PRRC2C: variants seen among roughly 807,000 people sequenced by gnomAD.
The protein encoded by PRRC2C is protein PRRC2C.
A neutral mutation model predicts 317.2 loss-of-function variants in PRRC2C; 72 were observed. That is an observed-to-expected ratio of 0.23 (90% CI 0.19 to 0.28). The LOEUF (loss-of-function observed/expected upper bound fraction) is 0.28. Ranked by LOEUF, PRRC2C falls within the 10% of genes least tolerant of loss-of-function variation. PRRC2C has a pLI of 1.00. For synonymous variants in PRRC2C, 1,296 were observed against 1,205.9 expected (o/e 1.07, Z -1.55); for missense variants, 3,074 against 3,459.7 (o/e 0.89, Z 2.80).
chr1:171,531,193 G>C (rs956617491), intron 11 of PRRC2C, among the ~76,000 whole-genome samples: 3 of 152,120 alleles, frequency 2.0e-5, no homozygotes, highest in African/African-American at 7.2e-5. Context: ...GGGGTGCTTG[G>C]GGCCACAGGG....
intron 24 of PRRC2C, among the ~76,000 whole-genome samples, chr1:171,572,577 A>T (rs1352576748): frequency 1.3e-5 from 2 of 152,226 alleles, no homozygotes; most frequent in African/African-American, 4.8e-5. Context: ...ATAAGACAAC[A>T]GCTTCTGCTT....
chr1:171,516,365 A>G (rs1672363761), intron 5 of PRRC2C, among the ~76,000 whole-genome samples: 1 of 152,208 alleles, frequency 6.6e-6, no homozygotes, highest in African/African-American at 2.4e-5. Context: ...ATAGCTTCAT[A>G]CTGTCATTAC....
chr1:171,545,021 A>G (rs1231148665), intron 16 of PRRC2C, among the ~76,000 whole-genome samples: 5 of 152,222 alleles, frequency 3.3e-5, no homozygotes, highest in Non-Finnish European at 7.3e-5. Flanking sequence ...AATTATATCA[A>G]TGTGTAAATC....
chr1:171,523,254 G>C lies in PRRC2C; in HGVS notation c.867G>C (p.Trp289Cys), dbSNP rs1673948252. The C allele has an allele frequency of 6.8e-6, 11 of 1,613,016 alleles. No homozygotes were observed. In the East Asian group the frequency reaches 2.5e-4, roughly 36 times the overall value. The change falls in exon 8 of 35, where the codon TGG (tryptophan) becomes TGC (cysteine). Residue 289 changes from tryptophan to cysteine, a missense_variant. By Grantham distance (215) the Trp-to-Cys change is radical (BLOSUM62 -2). This residue lies in a region of PRRC2C where 50 missense variants were observed against 88.3 expected (regional missense o/e 0.57). Transcript: ENST00000647382. ...GAGGAAGAGGCCCACCTCCTTCATG[G>C]GCCTCTGAGCCTGAACGCCCATCCA... ...GLRGRGPPPS[W>C]ASEPERPSIL...
At chr1:171,549,002 C>T (rs578256854) in intron 17 of PRRC2C, among the ~76,000 whole-genome samples, 1 of 152,212 alleles carries the variant, frequency 6.6e-6, no homozygotes, top group Non-Finnish European at 1.5e-5. Context: ...CAGGCATGCG[C>T]CAGCTAATTT....
chr1:171,512,588 TTAGA>T (rs1289143666), intron 2 of PRRC2C: 1 of 239,178 alleles, frequency 4.2e-6, no homozygotes, highest in African/African-American at 2.3e-5. Flanking sequence ...TGTGTGTGTG[TTAGA>T]TACTGTGACC....
At chr1:171,503,905 A>G (rs1257587919) in intron 1 of PRRC2C, among the ~76,000 whole-genome samples, 3 of 152,314 alleles carry the variant, frequency 2.0e-5, no homozygotes, top group Non-Finnish European at 4.4e-5. Context: ...TTCCCTTTAT[A>G]AAACCATCAG....
At chr1:171,587,821 C>G in intron 32 of PRRC2C, 70 bp downstream of exon 32, 3 of 980,592 alleles carry the variant, frequency 3.1e-6, no homozygotes, top group Non-Finnish European at 4.7e-6. Context: ...CTTATCAGTC[C>G]TGTGTGACAT....
At chr1:171,582,866 AAAAAC>A (rs982154513) in intron 28 of PRRC2C, among the ~76,000 whole-genome samples, 7 of 151,656 alleles carry the variant, frequency 4.6e-5, no homozygotes, top group African/African-American at 1.5e-4. Context: ...TTAAAAAAAA[AAAAAC>A]AAATTTTTCT....
intron 1 of PRRC2C, among the ~76,000 whole-genome samples, chr1:171,508,964 G>A (rs573625420): frequency 6.7e-4 from 102 of 151,734 alleles, no homozygotes; most frequent in Non-Finnish European, 1.3e-3. Flanking sequence ...TCTGCTCACC[G>A]CAAGCTCCGC....
At chr1:171,518,483 ATTTTTTTTC>A (rs2102304352) in intron 6 of PRRC2C, among the ~76,000 whole-genome samples, 1 of 114,200 alleles carries the variant, frequency 8.8e-6, no homozygotes, top group Non-Finnish European at 1.9e-5. Context: ...TTTTTTTTCA[ATTTTTTTTC>A]AATTTTTTTT....
chr1:171,568,404 T>C, intron 23 of PRRC2C, 65 bp downstream of exon 23: 1 of 1,535,026 alleles, frequency 6.5e-7, no homozygotes, highest in Non-Finnish European at 8.8e-7. Flanking sequence ...TCAAGCACAT[T>C]ATTTCATGTT....
chr1:171,561,642 G>A (rs1212988288), intron 20 of PRRC2C, among the ~76,000 whole-genome samples: 2 of 152,120 alleles, frequency 1.3e-5, no homozygotes, highest in African/African-American at 4.8e-5. Flanking sequence ...CTCACTTTTA[G>A]ACATTAAACA....
intron 1 of PRRC2C, among the ~76,000 whole-genome samples, chr1:171,499,513 G>A (rs1273490598): frequency 1.3e-5 from 2 of 152,158 alleles, no homozygotes; most frequent in African/African-American, 4.8e-5. Flanking sequence ...GAGATGGGCC[G>A]GGCACGGTGG....
chr1:171,584,475 T>A lies in PRRC2C; in HGVS notation c.7698T>A (p.Pro2566=). Residue 2566 remains proline, a synonymous_variant, in exon 30 of 35, where the codon CCT becomes CCA. Transcript: ENST00000647382. ...TTTATTCTGGACAAGTACAACAGCC[T>A]GGTCAGACAAATTTTTATAACACTG... The part of the protein sequence containing the change: ...SNLYSGQVQQ[P]GQTNFYNTAQ... 6.3e-7 allele frequency: 1 copy of A among 1,595,806 alleles called. No homozygotes were observed. Among genetic ancestry groups the A allele is most frequent in the Non-Finnish European group, 8.5e-7 (1 of 1,170,358 alleles).
intron 34 of PRRC2C, 140 bp downstream of exon 34, chr1:171,589,745 C>T (rs1244122353): frequency 9.3e-6 from 4 of 428,230 alleles, no homozygotes; most frequent in Admixed American, 4.7e-5. Flanking sequence ...TATTCATTCC[C>T]CCTTTTTTTT....
At chr1:171,525,077 A>G (rs750557317) in intron 10 of PRRC2C, 112 bp downstream of exon 10, 49 of 898,964 alleles carry the variant, frequency 5.5e-5, no homozygotes, top group Non-Finnish European at 7.3e-5. Flanking sequence ...ACTTAGAAAA[A>G]GGAAACTGTG....
intron 17 of PRRC2C, among the ~76,000 whole-genome samples, chr1:171,548,693 G>A (rs945346063): frequency 1.3e-5 from 2 of 151,840 alleles, no homozygotes; most frequent in South Asian, 2.1e-4. Context: ...ATACTGACTG[G>A]GATATAGGGT....
intron 1 of PRRC2C, among the ~76,000 whole-genome samples, chr1:171,490,786 T>TA (rs1271471370): frequency 6.6e-6 from 1 of 152,176 alleles, no homozygotes; most frequent in Non-Finnish European, 1.5e-5. Flanking sequence ...AGTGGAAGGT[T>TA]AAAGGGGGAA....
Sources: gnomAD v4.1 joint callset for allele counts (sites outside exome capture counted in the v4.1 genomes callset) on GRCh38, gnomAD v4.1.1 for gene constraint, gnomAD v4.1.1 regional missense constraint, MANE v1.5 for transcripts, NCBI Gene and HGNC (gene_info 2026-07-23, HGNC 2026-07-21) for gene names.